Variants in SLC4A4 observed in about 807,000 individuals in gnomAD.
The protein encoded by SLC4A4 is electrogenic sodium bicarbonate cotransporter 1.
In SLC4A4, 27 loss-of-function variants were observed where a neutral mutation model predicts 111.5. The observed-to-expected ratio is 0.24, with a 90% confidence interval of 0.18 to 0.33. The LOEUF (loss-of-function observed/expected upper bound fraction) is 0.33. Ranked by LOEUF, SLC4A4 falls within the 10% of genes least tolerant of loss-of-function variation. The pLI, the probability that SLC4A4 is intolerant of heterozygous loss-of-function variation, is 1.00. For missense variants in SLC4A4, 909 were observed against 1,315.5 expected, an observed-to-expected ratio of 0.69 and a Z score of 4.78; for synonymous variants, 443 against 463.4, an observed-to-expected ratio of 0.96 and a Z score of 0.57.
chr4:71,525,871 T>C (rs1733371055), intron 16 of SLC4A4, among the ~76,000 whole-genome samples: 1 of 152,026 alleles, frequency 6.6e-6, no homozygotes, highest in Non-Finnish European at 1.5e-5. Flanking sequence ...TTTGATGAAA[T>C]GAAAGGGAAA....
At chr4:71,378,042 T>A (rs1219675573) in intron 6 of SLC4A4, among the ~76,000 whole-genome samples, 1 of 152,116 alleles carries the variant, frequency 6.6e-6, no homozygotes, top group Non-Finnish European at 1.5e-5. Context: ...TTATTCAGTA[T>A]CAGGAGAATA....
Position 71,365,496 on chromosome 4 carries a change from A to G in SLC4A4, c.730+8309A>G, listed in dbSNP as rs530934823. Among the ~76,000 whole-genome samples, 9 of 152,326 alleles carry G rather than the reference A, an allele frequency of 5.9e-5. No individual in the cohort carries two copies. In the South Asian group the frequency reaches 1.7e-3, roughly 28 times the overall value. Reference sequence around the variant, plus strand: ...AAAAGTAAGGAGAGAAGGGTAAGCAAGATAGAGACATAAAATATGAGCACC... The same window carrying G: ...AAAAGTAAGGAGAGAAGGGTAAGCAGGATAGAGACATAAAATATGAGCACC... On this transcript the variant is annotated intron_variant, in intron 6 of 25. Transcript: ENST00000264485.
chr4:71,144,299 G>A (rs1744101048), intron 2 of SLC4A4, among the ~76,000 whole-genome samples: 1 of 152,102 alleles, frequency 6.6e-6, no homozygotes, highest in Non-Finnish European at 1.5e-5. Context: ...CTGTTCCATT[G>A]ATCTATATCT....
intron 2 of SLC4A4, among the ~76,000 whole-genome samples, chr4:71,168,462 C>T (rs113408287): frequency 3.9e-5 from 6 of 152,012 alleles, no homozygotes; most frequent in Admixed American, 3.3e-4. Flanking sequence ...GGATTACAGG[C>T]GTGAGCCACT....
intron 1 of SLC4A4, among the ~76,000 whole-genome samples, chr4:71,084,532 C>A (rs1269539804): frequency 6.6e-6 from 1 of 151,906 alleles, no homozygotes; most frequent in East Asian, 1.9e-4. Flanking sequence ...TTAGGTATAT[C>A]TCCTAATGCT....
At chr4:71,471,126 A>C (rs1035499273) in intron 13 of SLC4A4, among the ~76,000 whole-genome samples, 1 of 151,974 alleles carries the variant, frequency 6.6e-6, no homozygotes, top group Non-Finnish European at 1.5e-5. Flanking sequence ...AGGAACAGTC[A>C]TGTCTTGGTT....
Position 71,255,292 on chromosome 4 carries a change from C to T in SLC4A4, c.146C>T (p.Thr49Ile). 6.2e-7 allele frequency: 1 copy of T among 1,613,436 alleles called. No individual in the cohort carries two copies. The highest frequency in any genetic ancestry group is 8.5e-7 in the Non-Finnish European group (1 of 1,179,540). ...YRRRRRHKRK[T>I]GHKEKKEKER... ...AGAAGGAGACGTCACAAGAGAAAGA[C>T]AGGGCACAAAGAAAAGAAGGAAAAG... Residue 49 changes from threonine (T) to isoleucine (I), a missense_variant, in exon 3 of 26, where the codon ACA becomes ATA. Around this residue, in one of 7 missense-constraint regions of SLC4A4, gnomAD observed 117 missense variants for 154.2 expected, o/e 0.76. Transcript: ENST00000264485.
chr4:71,543,752 A>G (rs1735272146), intron 18 of SLC4A4, among the ~76,000 whole-genome samples: 1 of 152,032 alleles, frequency 6.6e-6, no homozygotes, highest in South Asian at 2.1e-4. Flanking sequence ...GATTCTTCTC[A>G]TTATTACCCT....
At chr4:71,279,355 C>T (rs1000289587) in intron 3 of SLC4A4, among the ~76,000 whole-genome samples, 8 of 152,078 alleles carry the variant, frequency 5.3e-5, no homozygotes, top group African/African-American at 1.2e-4. Context: ...TGTCTTTGTG[C>T]CTGGCTTATT....
chr4:71,101,555 A>G (rs1742734288), intron 2 of SLC4A4, among the ~76,000 whole-genome samples: 1 of 152,222 alleles, frequency 6.6e-6, no homozygotes. Context: ...TGGTTTTCCC[A>G]GCACACAGCT....
intron 8 of SLC4A4, among the ~76,000 whole-genome samples, chr4:71,441,954 A>G (rs780122570): frequency 2.0e-5 from 3 of 152,144 alleles, no homozygotes; most frequent in Non-Finnish European, 4.4e-5. Context: ...ATTCCAGCAG[A>G]GCCTTGTGGT....
At chr4:71,142,885 C>G (rs1263667284) in intron 2 of SLC4A4, among the ~76,000 whole-genome samples, 3 of 150,956 alleles carry the variant, frequency 2.0e-5, no homozygotes, top group African/African-American at 7.3e-5. Context: ...TTCCTCCCAC[C>G]TTTCCAAAGA....
intron 8 of SLC4A4, 99 bp downstream of exon 8, chr4:71,440,872 A>G: frequency 7.4e-7 from 1 of 1,349,702 alleles, no homozygotes; most frequent in Non-Finnish European, 1.1e-6. Flanking sequence ...ATTTAGTGCA[A>G]ACACATTGGA....
intron 2 of SLC4A4, among the ~76,000 whole-genome samples, chr4:71,153,804 T>G (rs1744386178): frequency 6.6e-6 from 1 of 152,168 alleles, no homozygotes; most frequent in African/African-American, 2.4e-5. Flanking sequence ...GTTTTAGGAC[T>G]TCTACTCATT....
intron 8 of SLC4A4, 37 bp from the exon 9 acceptor site, chr4:71,447,609 G>T: frequency 8.0e-7 from 1 of 1,256,842 alleles, no homozygotes; most frequent in Non-Finnish European, 1.2e-6. Context: ...TTGATGAAAT[G>T]TGTGTTATAG....
intron 16 of SLC4A4, among the ~76,000 whole-genome samples, chr4:71,500,003 A>G (rs1730761681): frequency 6.6e-6 from 1 of 152,182 alleles, no homozygotes; most frequent in Non-Finnish European, 1.5e-5. Flanking sequence ...GGAAACTTTC[A>G]TACTGTTTTC....
At position 71,555,175 on chromosome 4, in the gene SLC4A4, G is replaced by A. The variant is rs1349226110; in HGVS notation, c.2730G>A (p.Leu910=). Residue 910 remains leucine, a synonymous_variant, in exon 21 of 26, where the codon CTG becomes CTA. Coordinates refer to ENST00000264485, the MANE Select transcript of SLC4A4 (RefSeq NM_001098484.3). Reference sequence around the variant, plus strand: ...TGCCTGTACTCTATGGTGTGTTCCTGTATATGGGAGTAGCATCCCTTAATG... The same window carrying A: ...TGCCTGTACTCTATGGTGTGTTCCTATATATGGGAGTAGCATCCCTTAATG... ...IPMPVLYGVF[L]YMGVASLNGV... 9.3e-6 allele frequency: 15 copies of A among 1,609,954 alleles called. No individual in the cohort carries two copies. Among genetic ancestry groups the A allele is most frequent in the Non-Finnish European group, 8.5e-6 (10 of 1,177,090 alleles).
chr4:71,088,811 G>A (rs1409018208), intron 1 of SLC4A4, among the ~76,000 whole-genome samples: 1 of 151,994 alleles, frequency 6.6e-6, no homozygotes, highest in Non-Finnish European at 1.5e-5. Flanking sequence ...TGGGTAACCC[G>A]ACCTTTCTCT....
At chr4:71,439,707 C>T (rs1234305088) in intron 7 of SLC4A4, among the ~76,000 whole-genome samples, 1 of 150,910 alleles carries the variant, frequency 6.6e-6, no homozygotes, top group Non-Finnish European at 1.5e-5. Context: ...ACTCTTACCC[C>T]TCTGCTCTAT....
Sources: gnomAD v4.1 joint callset for allele counts (sites outside exome capture counted in the v4.1 genomes callset) on GRCh38, gnomAD v4.1.1 for gene constraint, gnomAD v4.1.1 regional missense constraint, MANE v1.5 for transcripts, NCBI Gene and HGNC (gene_info 2026-07-23, HGNC 2026-07-21) for gene names.